The following EYA2 variants were observed in gnomAD, a reference collection of about 807,000 sequenced individuals.
EYA2 encodes the protein protein phosphatase EYA2.
EYA2 carries 31 observed loss-of-function variants against 69.2 expected under a neutral mutation model. The observed-to-expected ratio is 0.45, with a 90% CI of 0.34 to 0.60. The LOEUF (loss-of-function observed/expected upper bound fraction) is 0.60. EYA2 is among the 20% of genes least tolerant of loss of function. The pLI is 0.02. For synonymous variants in EYA2, 257 were observed against 279.4 expected, an observed-to-expected ratio of 0.92 and a Z score of 0.80; for missense variants, 622 against 701.2, an observed-to-expected ratio of 0.89 and a Z score of 1.28.
intron 1 of EYA2, among the ~76,000 whole-genome samples, chr20:46,952,132 C>T (rs940393713): frequency 8.5e-5 from 13 of 152,074 alleles, no homozygotes; most frequent in Non-Finnish European, 1.8e-4. Flanking sequence ...AGAACTCCGC[C>T]GAGCAATGGG....
chr20:46,909,629 A>G (rs1416006427), intron 1 of EYA2, among the ~76,000 whole-genome samples: 1 of 152,250 alleles, frequency 6.6e-6, no homozygotes, highest in East Asian at 1.9e-4. Flanking sequence ...AAGAGCTCAG[A>G]TGCAGGTCAT....
chr20:47,013,430 T>C (rs1983202309), intron 4 of EYA2, among the ~76,000 whole-genome samples: 1 of 152,244 alleles, frequency 6.6e-6, no homozygotes, highest in Non-Finnish European at 1.5e-5. Context: ...ATCATCTATT[T>C]AAAATGGACA....
At chr20:47,018,034 A>G (rs891421924) in intron 5 of EYA2, among the ~76,000 whole-genome samples, 1 of 152,156 alleles carries the variant, frequency 6.6e-6, no homozygotes, top group African/African-American at 2.4e-5. Flanking sequence ...GAAGGGAGTA[A>G]ACTCCTGAGA....
chr20:46,939,007 T>A (rs1986036868), intron 1 of EYA2, among the ~76,000 whole-genome samples: 1 of 152,192 alleles, frequency 6.6e-6, no homozygotes, highest in Non-Finnish European at 1.5e-5. Context: ...TCAGTCTAGA[T>A]CCATTCCACT....
intron 9 of EYA2, among the ~76,000 whole-genome samples, chr20:47,098,783 A>G (rs2146521640): frequency 6.6e-6 from 1 of 152,264 alleles, no homozygotes; most frequent in South Asian, 2.1e-4. Context: ...CTGAAATGCA[A>G]GCTTGGCCAT....
chr20:46,922,013 T>C (rs1379841314), intron 1 of EYA2, among the ~76,000 whole-genome samples: 6 of 152,242 alleles, frequency 3.9e-5, no homozygotes, highest in Non-Finnish European at 7.3e-5. Flanking sequence ...GACTCATGTC[T>C]ACTAGACACA....
chr20:47,121,371 G>T (rs187851592), intron 9 of EYA2, among the ~76,000 whole-genome samples: 1 of 152,146 alleles, frequency 6.6e-6, no homozygotes, highest in Non-Finnish European at 1.5e-5. Flanking sequence ...GGAATTACAC[G>T]CATGAGCCAC....
intron 9 of EYA2, among the ~76,000 whole-genome samples, chr20:47,104,013 G>A (rs550335526): frequency 1.3e-5 from 2 of 152,318 alleles, no homozygotes; most frequent in African/African-American, 4.8e-5. Flanking sequence ...TTGAGGAACA[G>A]CCAGATTATT....
chr20:47,125,367 T>A (rs544944779), intron 9 of EYA2, among the ~76,000 whole-genome samples: 1 of 152,166 alleles, frequency 6.6e-6, no homozygotes, highest in South Asian at 2.1e-4. Context: ...TAAGTTCTTG[T>A]TAGTACAGAT....
At chr20:47,060,114 G>A (rs1031901133) in intron 5 of EYA2, among the ~76,000 whole-genome samples, 1 of 152,198 alleles carries the variant, frequency 6.6e-6, no homozygotes, top group Non-Finnish European at 1.5e-5. Context: ...TTCTTATGGG[G>A]CAGAGGTTGG....
chr20:47,138,619 G>A (rs1600736279), intron 9 of EYA2, among the ~76,000 whole-genome samples: 2 of 152,044 alleles, frequency 1.3e-5, no homozygotes, highest in African/African-American at 4.8e-5. Context: ...AGCCAGGCGT[G>A]GTGGTGCACA....
chr20:46,989,715 T>C (rs993367237), intron 1 of EYA2, among the ~76,000 whole-genome samples: 1 of 152,224 alleles, frequency 6.6e-6, no homozygotes, highest in Non-Finnish European at 1.5e-5. Flanking sequence ...TTATATGACA[T>C]TGAAGAGAGA....
At chr20:47,170,232 CAATT>C (rs2034290530) in intron 11 of EYA2, among the ~76,000 whole-genome samples, 1 of 151,646 alleles carries the variant, frequency 6.6e-6, no homozygotes, top group African/African-American at 2.4e-5. Context: ...TTTAATATAA[CAATT>C]GATACAGCCA....
intron 1 of EYA2, among the ~76,000 whole-genome samples, chr20:46,918,090 G>A (rs762688498): frequency 5.9e-5 from 9 of 152,124 alleles, no homozygotes; most frequent in African/African-American, 9.7e-5. Context: ...GGAAGCCGAG[G>A]TGGGCGGATC....
intron 1 of EYA2, among the ~76,000 whole-genome samples, chr20:46,908,139 C>T (rs1318107934): frequency 1.3e-5 from 2 of 152,152 alleles, no homozygotes; most frequent in Non-Finnish European, 2.9e-5. Flanking sequence ...TGAGCACCTG[C>T]TGTGTGCCAG....
chr20:47,053,222 C>G (rs1035788061), intron 5 of EYA2, among the ~76,000 whole-genome samples: 2 of 151,524 alleles, frequency 1.3e-5, no homozygotes, highest in Non-Finnish European at 2.9e-5. Flanking sequence ...AAATTGGAGG[C>G]CACCCAGATC....
At chr20:46,951,628 T>G (rs560988665) in intron 1 of EYA2, among the ~76,000 whole-genome samples, 1 of 152,282 alleles carries the variant, frequency 6.6e-6, no homozygotes, top group African/African-American at 2.4e-5. Flanking sequence ...AGCTGAGTAA[T>G]AAAACCACTC....
intron 5 of EYA2, among the ~76,000 whole-genome samples, chr20:47,053,667 CAA>C (rs1215223667): frequency 8.1e-4 from 54 of 66,744 alleles, no homozygotes; most frequent in Admixed American, 1.6e-3. Flanking sequence ...GACCTTGTCT[CAA>C]AAAAAAAAAA....
intron 5 of EYA2, among the ~76,000 whole-genome samples, chr20:47,043,429 A>G (rs1267185219): frequency 6.6e-6 from 1 of 152,194 alleles, no homozygotes; most frequent in Non-Finnish European, 1.5e-5. Flanking sequence ...AAGGACTGGA[A>G]GTAGCCCTGA....
Sources: gnomAD v4.1 joint callset for allele counts (sites outside exome capture counted in the v4.1 genomes callset) on GRCh38, gnomAD v4.1.1 for gene constraint, MANE v1.5 for transcripts, NCBI Gene and HGNC (gene_info 2026-07-23, HGNC 2026-07-21) for gene names.